The following SBF2 variants were observed in gnomAD, a reference collection of about 807,000 sequenced individuals.
The protein encoded by SBF2 is SET binding factor 2, also known as myotubularin-related protein 13.
A neutral mutation model predicts 225.2 loss-of-function variants in SBF2; 112 were observed. That is an observed-to-expected ratio of 0.50 (90% CI 0.43 to 0.58). The LOEUF is 0.58. Among genes scored for constraint, SBF2 ranks in the 20% least tolerant of loss-of-function variants. SBF2 has a pLI of 0.00. For synonymous variants in SBF2, 763 were observed against 773.3 expected, an observed-to-expected ratio of 0.99 and a Z score of 0.22; for missense variants, 1,996 against 2,206.2, an observed-to-expected ratio of 0.90 and a Z score of 1.91.
intron 1 of SBF2, among the ~76,000 whole-genome samples, chr11:10,205,944 A>G (rs1248155947): frequency 6.6e-6 from 1 of 151,822 alleles, no homozygotes; most frequent in Non-Finnish European, 1.5e-5. Context: ...TCCCTCCCCA[A>G]TCCAGAAACA....
intron 1 of SBF2, among the ~76,000 whole-genome samples, chr11:10,259,472 C>A (rs1178654119): frequency 6.6e-6 from 1 of 152,098 alleles, no homozygotes; most frequent in African/African-American, 2.4e-5. Context: ...GTCCTTAGAA[C>A]CTAACTAAGA....
chr11:10,058,351 A>G (rs971009505), intron 2 of SBF2, among the ~76,000 whole-genome samples: 2 of 152,242 alleles, frequency 1.3e-5, no homozygotes, highest in South Asian at 2.1e-4. Context: ...AAAACACAAT[A>G]TAAGAATTTG....
At chr11:9,996,451 G>A (rs1012885614) in intron 9 of SBF2, among the ~76,000 whole-genome samples, 6 of 152,054 alleles carry the variant, frequency 3.9e-5, no homozygotes, top group East Asian at 1.9e-4. Context: ...GTGCAGTGGC[G>A]CAGTCTTGGC....
At chr11:9,931,127 C>T (rs1864467143) in intron 16 of SBF2, among the ~76,000 whole-genome samples, 1 of 152,262 alleles carries the variant, frequency 6.6e-6, no homozygotes, top group Non-Finnish European at 1.5e-5. Flanking sequence ...GAGCCCACTG[C>T]AGCTCAGCAA....
Position 9,967,864 on chromosome 11 carries a change from G to A in SBF2, c.1600+477C>T, listed in dbSNP as rs534762913. On this transcript the variant is annotated intron_variant, in intron 14 of 39. Coordinates refer to ENST00000256190, the MANE Select transcript of SBF2 (RefSeq NM_030962.4). Reference sequence around the variant, plus strand: ...CAGGAGGCAGAAGTTACGGTGAGCCGAGATCACACCATTGTACTCCAGCCT... The same window carrying A: ...CAGGAGGCAGAAGTTACGGTGAGCCAAGATCACACCATTGTACTCCAGCCT... Among the ~76,000 whole-genome samples, 153 of 150,708 alleles carry A rather than the reference G, an allele frequency of 1.0e-3. 1 individual carries two copies. The highest frequency in any genetic ancestry group is 3.5e-3 in the African/African-American group (145 of 40,992).
At chr11:9,912,536 C>G (rs1447596916) in intron 16 of SBF2, among the ~76,000 whole-genome samples, 1 of 152,158 alleles carries the variant, frequency 6.6e-6, no homozygotes, top group African/African-American at 2.4e-5. Flanking sequence ...GAGCCGAGAT[C>G]ACTCCACTGC....
intron 1 of SBF2, among the ~76,000 whole-genome samples, chr11:10,300,165 C>T (rs202007645): frequency 6.6e-6 from 1 of 152,182 alleles, no homozygotes; most frequent in Non-Finnish European, 1.5e-5. Context: ...AGTTTATAAT[C>T]ATGTAAATAC....
chr11:10,101,060 T>C (rs1160268227), intron 2 of SBF2, among the ~76,000 whole-genome samples: 1 of 151,954 alleles, frequency 6.6e-6, no homozygotes, highest in Admixed American at 6.6e-5. Flanking sequence ...GTGTGTGTGT[T>C]TGTTTATGTG....
intron 1 of SBF2, among the ~76,000 whole-genome samples, chr11:10,213,046 T>G (rs1302566042): frequency 7.3e-6 from 1 of 136,976 alleles, no homozygotes; most frequent in Non-Finnish European, 1.6e-5. Flanking sequence ...AGACTCTGTC[T>G]CAAAAAAAAA....
In SBF2 at chr11:9,808,174, C is replaced by A; in HGVS notation, c.4269G>T (p.Leu1423=). 1 of 1,613,880 alleles carries A rather than the reference C, an allele frequency of 6.2e-7. No individual in the cohort carries two copies. Among genetic ancestry groups the A allele is most frequent in the East Asian group, 2.2e-5 (1 of 44,888 alleles). The change falls in exon 32 of 40, where the codon CTG becomes CTT. Residue 1423 remains leucine (L), a synonymous_variant. Coordinates refer to ENST00000256190, the MANE Select transcript of SBF2 (RefSeq NM_030962.4). ...AAAAGGGATCACTGAGTAACTGAAC[C>A]AGGGATGTCACCTAGGGCATAAGCA... The part of the protein sequence containing the change: ...GWDITAQVTS[L]VQLLSDPFYR...
chr11:10,288,929 C>T (rs909897386), intron 1 of SBF2, among the ~76,000 whole-genome samples: 10 of 152,302 alleles, frequency 6.6e-5, no homozygotes, highest in Non-Finnish European at 1.2e-4. Context: ...TTCAAGCCCT[C>T]CCCGGCCTGA....
chr11:10,280,851 C>G (rs1475093628), intron 1 of SBF2, among the ~76,000 whole-genome samples: 2 of 151,692 alleles, frequency 1.3e-5, no homozygotes, highest in African/African-American at 4.8e-5. Context: ...GTGGGGGAGG[C>G]GGGCAGCCTT....
At chr11:9,876,408 G>C (rs1289219172) in intron 17 of SBF2, among the ~76,000 whole-genome samples, 1 of 152,086 alleles carries the variant, frequency 6.6e-6, no homozygotes, top group African/African-American at 2.4e-5. Flanking sequence ...TCTCCATCCA[G>C]CGTGCCCATA....
Position 9,921,232 on chromosome 11 carries a change from G to A in SBF2, c.1861-25221C>T, listed in dbSNP as rs192753154. 2.5e-3 allele frequency among the ~76,000 whole-genome samples: 373 copies of A among 151,976 alleles called. 1 individual carries two copies. The highest frequency in any genetic ancestry group is 8.7e-3 in the African/African-American group (359 of 41,484). ...ATTACAGGCATACGCCACCATGCCC[G>A]GCTAATTTTGTATTTTCAGTAGAGA... On this transcript the variant is annotated intron_variant, in intron 16 of 39. Transcript: ENST00000256190.
At chr11:10,159,610 TCTGCCCC>T (rs773777620) in intron 2 of SBF2, among the ~76,000 whole-genome samples, 16 of 152,164 alleles carry the variant, frequency 1.1e-4, no homozygotes, top group Non-Finnish European at 1.6e-4. Context: ...CCTTAAAAAC[TCTGCCCC>T]CTTGGCCGGG....
chr11:9,996,547 G>A (rs914938952), intron 9 of SBF2, among the ~76,000 whole-genome samples: 2 of 151,766 alleles, frequency 1.3e-5, no homozygotes, highest in Non-Finnish European at 2.9e-5. Flanking sequence ...GCGCCACCAC[G>A]CCCAGCTAAT....
At chr11:10,058,596 A>T (rs1006790967) in intron 2 of SBF2, among the ~76,000 whole-genome samples, 10 of 152,208 alleles carry the variant, frequency 6.6e-5, no homozygotes, top group African/African-American at 2.4e-4. Flanking sequence ...ATATTTCAGG[A>T]TGTTGTCCAT....
At chr11:9,875,852 C>A (rs1232907305) in intron 17 of SBF2, among the ~76,000 whole-genome samples, 1 of 152,100 alleles carries the variant, frequency 6.6e-6, no homozygotes, top group Non-Finnish European at 1.5e-5. Flanking sequence ...GTGTGAGACA[C>A]AAATGTGAAA....
At chr11:9,997,295 C>G (rs7940348) in intron 9 of SBF2, among the ~76,000 whole-genome samples, 40,793 of 152,116 alleles carry the variant, frequency 0.27, 5,578 homozygotes, top group Middle Eastern at 0.32. Flanking sequence ...ATTTTCTGAT[C>G]ATAAGCACCT....
Sources: allele counts gnomAD v4.1 joint callset (sites outside exome capture counted in the v4.1 genomes callset), GRCh38; gene constraint gnomAD v4.1.1; transcripts MANE v1.5; gene names NCBI Gene and HGNC (gene_info 2026-07-23, HGNC 2026-07-21).